RFPL1: variants seen among roughly 807,000 people sequenced by gnomAD.
RFPL1 encodes ret finger protein like 1, also known as ret finger protein-like 1.
Under a neutral mutation model 9.6 loss-of-function variants are expected in RFPL1, and 6 were observed. The observed-to-expected ratio is 0.62, with a 90% CI of 0.34 to 1.23. The LOEUF (loss-of-function observed/expected upper bound fraction) is 1.23. Among genes scored for constraint, RFPL1 ranks in the 50% most tolerant of loss-of-function variants. The probability of loss-of-function intolerance (pLI) is 0.03; values close to 1 mark genes in which losing one functional copy is unlikely to be tolerated. For missense variants in RFPL1, 352 were observed against 398.4 expected (o/e 0.88, Z 0.99); for synonymous variants, 145 against 149.4 (o/e 0.97, Z 0.22).
the RFPL1 span, among the ~76,000 whole-genome samples, chr22:29,394,547 G>A: frequency 6.6e-6 from 1 of 152,104 alleles, no homozygotes; most frequent in African/African-American, 2.4e-5. Context: ...TCACCATGTT[G>A]GCTAGGCTGG....
chr22:29,421,859 G>A, the RFPL1 span, among the ~76,000 whole-genome samples: 1 of 151,946 alleles, frequency 6.6e-6, no homozygotes, highest in African/African-American at 2.4e-5. Flanking sequence ...GCTCAACCTT[G>A]AGCAACACCA....
exon 2 of RFPL1, chr22:29,442,132 G>C (rs768751734): frequency 6.0e-6 from 9 of 1,509,034 alleles, no homozygotes; most frequent in Non-Finnish European, 8.0e-6. Context: ...AGCCCCCACT[G>C]CAAAAAAACA....
chr22:29,441,119 C>T (rs1388397262), intron 1 of RFPL1: 1 of 172,920 alleles, frequency 5.8e-6, no homozygotes, highest in East Asian at 1.6e-4. Flanking sequence ...AAAACAAAGG[C>T]CTGGAATCAT....
At position 29,438,723 on chromosome 22, in the gene RFPL1, T is replaced by A; in HGVS notation, c.-69T>A. ...TCTCTGAAGACGGGGGGTGGGGGGA[T>A]GTGCTTGAGTGTTTGTACTCATGGT... On this transcript the variant is annotated 5_prime_UTR_variant, in exon 1 of 2. The change abolishes an upstream ATG in the 5' untranslated region. Transcript: ENST00000354373. 1 of 1,562,548 alleles carries A rather than the reference T, an allele frequency of 6.4e-7. No homozygotes were observed. Among genetic ancestry groups the A allele is most frequent in the Non-Finnish European group, 8.7e-7 (1 of 1,154,468 alleles).
At chr22:29,433,773 C>T (rs2062795465), upstream of RFPL1, among the ~76,000 whole-genome samples, 1 of 152,018 alleles carries the variant, frequency 6.6e-6, no homozygotes, top group Non-Finnish European at 1.5e-5. Context: ...CTGTGCTGCC[C>T]AATATGGTAG....
chr22:29,409,861 T>C, the RFPL1 span, among the ~76,000 whole-genome samples: 1 of 152,192 alleles, frequency 6.6e-6, no homozygotes, highest in Non-Finnish European at 1.5e-5. Context: ...TATGACCAAC[T>C]GAGGCCAGTT....
the RFPL1 span, among the ~76,000 whole-genome samples, chr22:29,408,876 G>T: frequency 6.6e-6 from 1 of 152,116 alleles, no homozygotes; most frequent in South Asian, 2.1e-4. Flanking sequence ...CCCACTGCAT[G>T]TTCCACAAGC....
chr22:29,401,846 T>G, the RFPL1 span, among the ~76,000 whole-genome samples: 1 of 152,228 alleles, frequency 6.6e-6, no homozygotes, highest in African/African-American at 2.4e-5. Flanking sequence ...TTGGGTCAGA[T>G]AGATCTGCGT....
At chr22:29,416,444 C>G in the RFPL1 span, among the ~76,000 whole-genome samples, 11 of 152,214 alleles carry the variant, frequency 7.2e-5, no homozygotes, top group Non-Finnish European at 1.0e-4. Context: ...AGAGACCCAG[C>G]TGACCGTCCT....
chr22:29,414,208 T>C, the RFPL1 span, among the ~76,000 whole-genome samples: 4 of 113,072 alleles, frequency 3.5e-5, no homozygotes, highest in Non-Finnish European at 5.2e-5. Flanking sequence ...CCATATAACA[T>C]TCCTTTTGCA....
chr22:29,406,153 A>G, the RFPL1 span, among the ~76,000 whole-genome samples: 2 of 134,122 alleles, frequency 1.5e-5, no homozygotes, highest in Non-Finnish European at 1.6e-5. Flanking sequence ...AAAATAAAAA[A>G]AAAGAAATAA....
At chr22:29,392,494 A>G in the RFPL1 span, among the ~76,000 whole-genome samples, 4 of 147,042 alleles carry the variant, frequency 2.7e-5, no homozygotes, top group African/African-American at 1.0e-4. Context: ...GGGTCAAGCA[A>G]TCCTCCTGCC....
the RFPL1 span, among the ~76,000 whole-genome samples, chr22:29,398,099 G>C: frequency 6.6e-6 from 1 of 152,190 alleles, no homozygotes; most frequent in Non-Finnish European, 1.5e-5. Flanking sequence ...GGCAGCTGGT[G>C]GTACGAAGCT....
At chr22:29,402,223 T>G in the RFPL1 span, among the ~76,000 whole-genome samples, 1 of 152,166 alleles carries the variant, frequency 6.6e-6, no homozygotes, top group Admixed American at 6.5e-5. Flanking sequence ...TCTAGATTGA[T>G]TCTGTAAAAT....
chr22:29,427,689 G>C, the RFPL1 span, among the ~76,000 whole-genome samples: 1 of 152,188 alleles, frequency 6.6e-6, no homozygotes, highest in Non-Finnish European at 1.5e-5. Context: ...TCGTGGAAGA[G>C]GAGGGCACAT....
the RFPL1 span, among the ~76,000 whole-genome samples, chr22:29,405,910 C>A: frequency 2.2e-4 from 33 of 150,390 alleles, no homozygotes; most frequent in African/African-American, 7.3e-4. Flanking sequence ...GAGATCGAGA[C>A]CATCCTGGCT....
At chr22:29,403,629 A>C in the RFPL1 span, among the ~76,000 whole-genome samples, 2 of 152,190 alleles carry the variant, frequency 1.3e-5, no homozygotes, top group African/African-American at 4.8e-5. Context: ...AGTGATCCTA[A>C]AAGTAGGTAA....
chr22:29,399,744 G>A, the RFPL1 span, among the ~76,000 whole-genome samples: 1 of 152,048 alleles, frequency 6.6e-6, no homozygotes, highest in Non-Finnish European at 1.5e-5. Flanking sequence ...CCCCTTTTGT[G>A]GTCACAGGGT....
the RFPL1 span, among the ~76,000 whole-genome samples, chr22:29,402,165 C>T: frequency 2.6e-5 from 4 of 152,288 alleles, no homozygotes; most frequent in East Asian, 7.7e-4. Flanking sequence ...ATCCTAGCCC[C>T]ATCTTGAGCC....
Sources: gnomAD v4.1 joint callset for allele counts (sites outside exome capture counted in the v4.1 genomes callset) on GRCh38, gnomAD v4.1.1 for gene constraint, MANE v1.5 for transcripts, NCBI Gene and HGNC (gene_info 2026-07-23, HGNC 2026-07-21) for gene names.